The following ITGA3 variants were observed in gnomAD, a reference collection of about 807,000 sequenced individuals.
ITGA3 encodes integrin subunit alpha 3, also known as integrin alpha-3.
A neutral mutation model predicts 131.1 loss-of-function variants in ITGA3; 70 were observed. The ratio of observed to expected loss-of-function variants is 0.53; its 90% CI spans 0.44 to 0.65. ITGA3 has a LOEUF of 0.65. Ranked by LOEUF, ITGA3 falls within the 30% of genes least tolerant of loss-of-function variation. The probability of loss-of-function intolerance (pLI) is 0.00; values close to 1 mark genes in which losing one functional copy is unlikely to be tolerated. For synonymous variants in ITGA3, 537 were observed against 571.6 expected (o/e 0.94, Z 0.86); for missense variants, 1,098 against 1,388.6 (o/e 0.79, Z 3.33).
chr17:50,078,930 A>G lies in ITGA3; in HGVS notation c.2400+4A>G. The G allele has an allele frequency of 2.5e-6, 4 of 1,585,252 alleles. No homozygotes were observed. The highest frequency in any genetic ancestry group is 1.1e-5 in the South Asian group (1 of 90,484). ...CCCCCTCAAGTATGAATTCCAGGTA[A>G]GGGGCTCGCCAGAGTCCTGGGCTGG... On this transcript the variant is annotated splice_donor_region_variant and intron_variant, in intron 19 of 25. Coordinates refer to ENST00000320031, the MANE Select transcript of ITGA3 (RefSeq NM_002204.4).
At position 50,088,371 on chromosome 17, in the gene ITGA3, C is replaced by T; in HGVS notation, c.*31+5C>T. Reference sequence around the variant, plus strand: ...CCCCGCCCCCGGCCCACCTGGGTAACACGGCCTCCGGGCCCCCTTCCCCGA... The same window carrying T: ...CCCCGCCCCCGGCCCACCTGGGTAATACGGCCTCCGGGCCCCCTTCCCCGA... On this transcript the variant is annotated splice_donor_5th_base_variant and intron_variant, in intron 25 of 25. Coordinates refer to ENST00000320031, the MANE Select transcript of ITGA3 (RefSeq NM_002204.4). The T allele has an allele frequency of 1.3e-6, 2 of 1,496,850 alleles. No individual in the cohort carries two copies. Among genetic ancestry groups the T allele is most frequent in the Non-Finnish European group, 1.8e-6 (2 of 1,098,060 alleles). 92.7% of individuals were successfully genotyped at this position (1,496,850 alleles called of 1,614,324 possible). A position where few individuals can be genotyped will look rare whatever the true frequency, so the allele number is the denominator to read the frequency against.
chr17:50,090,035 GGACA>G lies in ITGA3; in HGVS notation c.*964_*967del, dbSNP rs1407492608. The G allele has an allele frequency of 5.4e-5, 16 of 294,116 alleles. No individual in the cohort carries two copies. Among genetic ancestry groups the G allele is most frequent in the Non-Finnish European group, 9.8e-5 (14 of 142,598 alleles). The allele number at this position is 294,116 out of a possible 1,614,324, so 18.2% of individuals were successfully genotyped here. On this transcript the variant is annotated 3_prime_UTR_variant, in exon 26 of 26. Transcript: ENST00000320031. The stretch of plus-strand genomic sequence containing the variant: ...CCACAGAGAGGAGGGGACCAATTCT[GGACA>G]GACAGATGTTGGGAGGATACAGAGG...
rs780044729 is a variant in ITGA3, at chr17:50,064,587, G to A, written c.394G>A (p.Gly132Ser). The change falls in exon 3 of 26, where the codon GGC (glycine) becomes AGC (serine). Residue 132 changes from glycine (G) to serine (S), a missense_variant. This residue lies in a region of ITGA3 where 356 missense variants were observed against 529.2 expected (regional missense o/e 0.67). Coordinates refer to ENST00000320031, the MANE Select transcript of ITGA3 (RefSeq NM_002204.4). This position sits in a 1 kb window ranked among gnomAD's most constrained non-coding sequence, Gnocchi z 4.4. ...MWLGVTVASQ[G>S]PAGRVLVCAH... ...GCTTGGAGTGACTGTGGCCAGCCAG[G>A]GCCCTGCAGGCAGAGTTCTGGTAAG... 64 of 1,612,764 alleles carry A rather than the reference G, an allele frequency of 4.0e-5. No individual in the cohort carries two copies. In the Middle Eastern group the frequency reaches 4.9e-4, roughly 12 times the overall value.
chr17:50,072,314 G>A, intron 7 of ITGA3, 132 bp downstream of exon 7: 1 of 789,170 alleles, frequency 1.3e-6, no homozygotes, highest in Non-Finnish European at 2.0e-6. Flanking sequence ...GCCGGACCTG[G>A]GGAGCTCGCA....
At chr17:50,063,213 G>A (rs1240248472) in intron 1 of ITGA3, among the ~76,000 whole-genome samples, 3 of 152,164 alleles carry the variant, frequency 2.0e-5, no homozygotes, top group African/African-American at 7.2e-5. Flanking sequence ...TTCTGGGCAG[G>A]CTGGGAGCAA....
intron 10 of ITGA3, among the ~76,000 whole-genome samples, chr17:50,074,788 A>G (rs979857423): frequency 2.0e-5 from 3 of 152,186 alleles, no homozygotes; most frequent in Admixed American, 6.5e-5. Flanking sequence ...AATCCCAGCT[A>G]TGCCAGTGCA....
At chr17:50,066,647 C>T (rs77225222) in intron 3 of ITGA3, among the ~76,000 whole-genome samples, 7,716 of 151,996 alleles carry the variant, frequency 0.051, 252 homozygotes, top group Admixed American at 0.091. Context: ...TGGTGGTATG[C>T]GCCTGTAATC....
rs1454232094 is a variant in ITGA3, at chr17:50,072,199, C to A, written c.1156+17C>A. 2 of 1,602,548 alleles carry A rather than the reference C, an allele frequency of 1.2e-6. No individual in the cohort carries two copies. Among genetic ancestry groups the A allele is most frequent in the East Asian group, 2.2e-5 (1 of 44,800 alleles). ...GATTTCAGGGTATGAGCCAGCACTC[C>A]TCCCCCAGCACCCCTCCTCCAGCAC... On this transcript the variant is annotated intron_variant, in intron 7 of 25. Coordinates refer to ENST00000320031, the MANE Select transcript of ITGA3 (RefSeq NM_002204.4).
At chr17:50,071,269 A>C in intron 5 of ITGA3, 42 bp from the exon 6 acceptor site, 1 of 1,569,896 alleles carries the variant, frequency 6.4e-7, no homozygotes, top group Non-Finnish European at 8.7e-7. Context: ...AAAGAGACGA[A>C]GTTGACTGGG....
intron 14 of ITGA3, 34 bp downstream of exon 14, chr17:50,076,715 A>AAGGGTGGGACGGGGCCTCATTAACTGGC: frequency 6.8e-7 from 1 of 1,477,260 alleles, no homozygotes; most frequent in Non-Finnish European, 9.5e-7. Flanking sequence ...TTAATCGGCC[A>AAGGGTGGGACGGGGCCTCATTAACTGGC]AGGGTGGGAC....
At position 50,080,300 on chromosome 17, in the gene ITGA3, G is replaced by T; in HGVS notation, c.2745G>T (p.Glu915Asp). Residue 915 changes from glutamate to aspartate, a missense_variant, in exon 22 of 26, where the codon GAG becomes GAT. Physicochemically the swap from Glu to Asp is conservative, Grantham distance 45 (BLOSUM62 2). Transcript: ENST00000320031. ...ATGRAHCVWL[E>D]CPIPDAPVVT... Reference sequence around the variant, plus strand: ...GGCGTGCCCACTGTGTGTGGCTAGAGTGCCCCATCCCTGATGCCCCCGTTG... The same window carrying T: ...GGCGTGCCCACTGTGTGTGGCTAGATTGCCCCATCCCTGATGCCCCCGTTG... 6.2e-7 allele frequency: 1 copy of T among 1,613,442 alleles called. No individual in the cohort carries two copies. Among genetic ancestry groups the T allele is most frequent in the South Asian group, 1.1e-5 (1 of 90,978 alleles).
chr17:50,074,292 G>A lies in ITGA3; in HGVS notation c.1382+12G>A. ...ATTGTGCTGCTGCGGTGAGCCAGGA[G>A]GCCAGTGAATAAGGGTCTTTCTCTT... On this transcript the variant is annotated intron_variant, in intron 9 of 25. Coordinates refer to ENST00000320031, the MANE Select transcript of ITGA3 (RefSeq NM_002204.4). The A allele has an allele frequency of 6.2e-7, 1 of 1,613,686 alleles. No homozygotes were observed. The highest frequency in any genetic ancestry group is 8.5e-7 in the Non-Finnish European group (1 of 1,179,784).
intron 6 of ITGA3, 63 bp from the exon 7 acceptor site, chr17:50,071,923 C>T (rs1352134143): frequency 1.4e-6 from 2 of 1,455,646 alleles, no homozygotes; most frequent in Non-Finnish European, 1.9e-6. Context: ...ACCTGTCAAA[C>T]AAGAACTATG....
rs1489302392 is a variant in ITGA3 at position 50,078,179 on chromosome 17, C to T, written c.2220-28C>T. 3 of 1,613,142 alleles carry T rather than the reference C, an allele frequency of 1.9e-6. No homozygotes were observed. The African/African-American group carries it at 4.0e-5, about 22-fold the overall frequency. On this transcript the variant is annotated intron_variant, in intron 17 of 25. Transcript: ENST00000320031. ...TCAGGGCTGAGGTATCTTGGATCAC[C>T]TTCCTAACCCCTGCATTTCCTCCCA...
Position 50,077,031 on chromosome 17 carries a change from C to G in ITGA3, c.1980C>G (p.Thr660=). Residue 660 remains threonine, a synonymous_variant, in exon 15 of 26, where the codon ACC becomes ACG. Coordinates refer to ENST00000320031, the MANE Select transcript of ITGA3 (RefSeq NM_002204.4). ...KLLLSINVTN[T]RTSERSGEDA... ...TCCTGAGCATCAACGTGACGAACAC[C>G]CGGACCTCGGAGCGCTCCGGGGAGG... 2.5e-6 allele frequency: 4 copies of G among 1,611,144 alleles called. No individual in the cohort carries two copies. The highest frequency in any genetic ancestry group is 3.4e-6 in the Non-Finnish European group (4 of 1,178,594).
chr17:50,068,374 G>C, intron 4 of ITGA3, 69 bp downstream of exon 4: 1 of 1,561,674 alleles, frequency 6.4e-7, no homozygotes, highest in Non-Finnish European at 8.7e-7. Flanking sequence ...TAGCCACGGG[G>C]ACAGCTGGCC....
At chr17:50,086,270 T>G (rs760292172) in intron 23 of ITGA3, 1 of 144,770 alleles carries the variant, frequency 6.9e-6, no homozygotes, top group Admixed American at 7.1e-5. Flanking sequence ...TTATATATAT[T>G]ATACATGTAT....
At chr17:50,086,035 GT>G (rs148069521) in intron 23 of ITGA3, among the ~76,000 whole-genome samples, 592 of 672 alleles carry the variant, frequency 0.88, 259 homozygotes, top group South Asian at 0.94. Context: ...ATTAGATTAT[GT>G]TATATTATAG....
rs1453561388 is a variant in ITGA3 at position 50,089,041 on chromosome 17, C to A, written c.*32-69C>A. On this transcript the variant is annotated intron_variant, in intron 25 of 25. Coordinates refer to ENST00000320031, the MANE Select transcript of ITGA3 (RefSeq NM_002204.4). Reference sequence around the variant, plus strand: ...GAGTTCTGGGTGGGAGAGGGAGAGGCCTGGCACTCCTTCCTGGTGGCTCAA... The same window carrying A: ...GAGTTCTGGGTGGGAGAGGGAGAGGACTGGCACTCCTTCCTGGTGGCTCAA... 5 of 1,255,296 alleles carry A rather than the reference C, an allele frequency of 4.0e-6. No homozygotes were observed. In the East Asian group the frequency reaches 9.3e-5, roughly 23 times the overall value. The allele number at this position is 1,255,296 out of a possible 1,614,324, so 77.8% of individuals were successfully genotyped here. A position where few individuals can be genotyped will look rare whatever the true frequency, so the allele number is the denominator to read the frequency against.
Sources: allele counts gnomAD v4.1 joint callset (sites outside exome capture counted in the v4.1 genomes callset), GRCh38; gene constraint gnomAD v4.1.1; regional missense constraint gnomAD v4.1.1; non-coding constraint Gnocchi (gnomAD v3.1); transcripts MANE v1.5; gene names NCBI Gene and HGNC (gene_info 2026-07-23, HGNC 2026-07-21).